The following CNTNAP2 variants were observed in gnomAD, a reference collection of about 807,000 sequenced individuals.
CNTNAP2 encodes contactin-associated protein-like 2.
CNTNAP2 carries 98 observed loss-of-function variants against 155.2 expected under a neutral mutation model. The observed-to-expected ratio is 0.63, with a 90% confidence interval of 0.54 to 0.75. CNTNAP2 has a LOEUF of 0.75. CNTNAP2 is among the 30% of genes least tolerant of loss of function. The pLI, the probability that CNTNAP2 is intolerant of heterozygous loss-of-function variation, is 0.00. For missense variants in CNTNAP2, 1,727 were observed against 1,688.1 expected, an observed-to-expected ratio of 1.02 and a Z score of -0.40; for synonymous variants, 651 against 631.2, an observed-to-expected ratio of 1.03 and a Z score of -0.47.
At chr7:147,099,810 G>A (rs1357031728) in intron 4 of CNTNAP2, among the ~76,000 whole-genome samples, 1 of 152,116 alleles carries the variant, frequency 6.6e-6, no homozygotes, top group African/African-American at 2.4e-5. Context: ...ATTCTAGATA[G>A]TCTTTTCGCC....
At chr7:146,238,719 A>G (rs1021884096) in intron 1 of CNTNAP2, among the ~76,000 whole-genome samples, 5 of 152,200 alleles carry the variant, frequency 3.3e-5, no homozygotes, top group African/African-American at 9.7e-5. Flanking sequence ...TAATTCATAC[A>G]GGAAAGAGGC....
At chr7:146,743,816 T>C (rs1801761095) in intron 1 of CNTNAP2, among the ~76,000 whole-genome samples, 1 of 152,188 alleles carries the variant, frequency 6.6e-6, no homozygotes. Context: ...CTGGGAAATG[T>C]TACCTCCATA....
intron 12 of CNTNAP2, among the ~76,000 whole-genome samples, chr7:147,580,616 A>G (rs1185332621): frequency 9.4e-6 from 1 of 106,784 alleles, no homozygotes; most frequent in Non-Finnish European, 1.8e-5. Context: ...TTTTTACATT[A>G]TCATTTTTTT....
intron 1 of CNTNAP2, among the ~76,000 whole-genome samples, chr7:146,675,825 A>G (rs191624559): frequency 3.4e-5 from 5 of 148,904 alleles, no homozygotes; most frequent in African/African-American, 1.0e-4. Flanking sequence ...AGTTGTATTC[A>G]TTGTTATCAA....
chr7:147,774,891 G>A (rs1584948558), intron 13 of CNTNAP2, among the ~76,000 whole-genome samples: 1 of 152,046 alleles, frequency 6.6e-6, no homozygotes, highest in South Asian at 2.1e-4. Flanking sequence ...TGAAGCCAGA[G>A]AAGTTAAGTG....
chr7:146,417,305 G>C (rs1048081898), intron 1 of CNTNAP2, among the ~76,000 whole-genome samples: 3 of 152,148 alleles, frequency 2.0e-5, no homozygotes, highest in Non-Finnish European at 4.4e-5. Context: ...TCACTAACTA[G>C]TTATCTTTTT....
intron 11 of CNTNAP2, among the ~76,000 whole-genome samples, chr7:147,528,231 T>G (rs1285801688): frequency 6.6e-6 from 1 of 152,200 alleles, no homozygotes; most frequent in African/African-American, 2.4e-5. Context: ...GAAGAATATT[T>G]AGGGGAGAAA....
At chr7:146,487,251 T>TA (rs1237632752) in intron 1 of CNTNAP2, among the ~76,000 whole-genome samples, 1 of 152,214 alleles carries the variant, frequency 6.6e-6, no homozygotes, top group Non-Finnish European at 1.5e-5. Flanking sequence ...TACTTAATTT[T>TA]ATTAGGAATG....
At chr7:146,769,550 C>A (rs1802257372) in intron 1 of CNTNAP2, among the ~76,000 whole-genome samples, 1 of 152,172 alleles carries the variant, frequency 6.6e-6, no homozygotes, top group Non-Finnish European at 1.5e-5. Flanking sequence ...TCATTGTGGG[C>A]TCTTTCATGT....
At chr7:147,479,412 G>A (rs567629814) in intron 10 of CNTNAP2, among the ~76,000 whole-genome samples, 6 of 152,114 alleles carry the variant, frequency 3.9e-5, no homozygotes, top group Non-Finnish European at 8.8e-5. Flanking sequence ...TGTCTTATGT[G>A]GAACAGGCGA....
intron 1 of CNTNAP2, among the ~76,000 whole-genome samples, chr7:146,238,600 A>T (rs1295556628): frequency 6.6e-6 from 1 of 152,210 alleles, no homozygotes; most frequent in Non-Finnish European, 1.5e-5. Flanking sequence ...GGAAAAAAAA[A>T]GTATGGTCAT....
chr7:146,511,426 G>A (rs181810019), intron 1 of CNTNAP2, among the ~76,000 whole-genome samples: 1 of 152,290 alleles, frequency 6.6e-6, no homozygotes, highest in Non-Finnish European at 1.5e-5. Context: ...CTATGGGTTT[G>A]TCACGTAAGG....
At chr7:148,196,784 T>A (rs1004358898) in intron 18 of CNTNAP2, among the ~76,000 whole-genome samples, 2 of 152,164 alleles carry the variant, frequency 1.3e-5, no homozygotes, top group African/African-American at 4.8e-5. Context: ...AGGGAGAAGA[T>A]GAGCCTCTTT....
At chr7:146,394,235 A>G (rs182002565) in intron 1 of CNTNAP2, among the ~76,000 whole-genome samples, 3 of 152,310 alleles carry the variant, frequency 2.0e-5, no homozygotes, top group Admixed American at 2.0e-4. Flanking sequence ...AAAGAAAAGT[A>G]GAGACCTGCT....
chr7:147,376,419 T>C (rs17498276), intron 9 of CNTNAP2, among the ~76,000 whole-genome samples: 26,069 of 151,962 alleles, frequency 0.17, 2,820 homozygotes, highest in Non-Finnish European at 0.24. Flanking sequence ...ATCGAGGAAG[T>C]AGGGTTCATA....
intron 1 of CNTNAP2, among the ~76,000 whole-genome samples, chr7:146,642,627 A>C (rs1394329584): frequency 1.3e-5 from 2 of 151,874 alleles, no homozygotes; most frequent in Non-Finnish European, 1.5e-5. Flanking sequence ...ATACGTGTGC[A>C]TGTGTCTTTA....
chr7:146,545,696 G>A (rs543002430), intron 1 of CNTNAP2, among the ~76,000 whole-genome samples: 25 of 152,038 alleles, frequency 1.6e-4, no homozygotes, highest in Non-Finnish European at 3.2e-4. Flanking sequence ...TGCTGGAAAG[G>A]ATGTGGAGAA....
intron 5 of CNTNAP2, among the ~76,000 whole-genome samples, chr7:147,116,480 G>A (rs77672863): frequency 0.034 from 5,144 of 152,198 alleles, 262 homozygotes; most frequent in African/African-American, 0.11. Context: ...ACTTTGTCCC[G>A]TGGAGAACAC....
intron 8 of CNTNAP2, among the ~76,000 whole-genome samples, chr7:147,207,819 G>A (rs1385576669): frequency 6.6e-6 from 1 of 152,092 alleles, no homozygotes; most frequent in Non-Finnish European, 1.5e-5. Context: ...ATAACCAGGT[G>A]ACTATTCTAA....
Sources: gnomAD v4.1 joint callset for allele counts (sites outside exome capture counted in the v4.1 genomes callset) on GRCh38, gnomAD v4.1.1 for gene constraint, MANE v1.5 for transcripts, NCBI Gene and HGNC (gene_info 2026-07-23, HGNC 2026-07-21) for gene names.